The following NRP2 variants were observed in gnomAD, a reference collection of about 807,000 sequenced individuals.
The protein encoded by NRP2 is neuropilin-2.
Under a neutral mutation model 110.4 loss-of-function variants are expected in NRP2, and 52 were observed. The ratio of observed to expected loss-of-function variants is 0.47; its 90% CI spans 0.38 to 0.59. The LOEUF (loss-of-function observed/expected upper bound fraction) is 0.59. Among genes scored for constraint, NRP2 ranks in the 20% least tolerant of loss-of-function variants. The pLI is 0.00. For missense variants in NRP2, 1,049 were observed against 1,203.0 expected (o/e 0.87, Z 1.89); for synonymous variants, 508 against 468.9 (o/e 1.08, Z -1.08).
At chr2:205,748,443 C>A (rs1395662946) in intron 10 of NRP2, among the ~76,000 whole-genome samples, 2 of 152,178 alleles carry the variant, frequency 1.3e-5, no homozygotes, top group African/African-American at 4.8e-5. Context: ...GACACAGTGA[C>A]AAACTTGAAC....
chr2:205,709,518 G>A (rs1239576289), intron 2 of NRP2, among the ~76,000 whole-genome samples: 1 of 152,188 alleles, frequency 6.6e-6, no homozygotes, highest in Admixed American at 6.5e-5. Context: ...CTGAAACTCA[G>A]AGAGGTTAAA....
chr2:205,720,211 G>C (rs2105803539), intron 3 of NRP2, among the ~76,000 whole-genome samples: 1 of 149,870 alleles, frequency 6.7e-6, no homozygotes, highest in East Asian at 2.0e-4. Context: ...TTCAAAATAA[G>C]CCAAAGGATA....
rs747085630 is a variant in NRP2 at position 205,752,819 on chromosome 2, T to C, written c.1904-16T>C. 1.2e-6 allele frequency: 2 copies of C among 1,614,052 alleles called. No individual in the cohort carries two copies. The highest frequency in any genetic ancestry group is 1.7e-5 in the Admixed American group (1 of 60,020). On this transcript the variant is annotated splice_polypyrimidine_tract_variant and intron_variant, in intron 11 of 16. Transcript: ENST00000357785. ...TTTCATTTGCCTTCCTTTGGGTTAT[T>C]GTTTTCCCCTTTTAGACAAAGATTT...
chr2:205,794,935 C>T lies in NRP2; in HGVS notation c.2658C>T (p.Thr886=). The change falls in exon 17 of 17, where the codon ACC becomes ACT. Residue 886 remains threonine, a synonymous_variant. Transcript: ENST00000357785. The part of the protein sequence containing the change: ...ATCAGLLLYC[T]CSYSGLSSRS... Reference sequence around the variant, plus strand: ...GTGCAGGCCTCCTGCTCTACTGCACCTGTTCCTACTCGGGCCTGAGCTCCC... The same window carrying T: ...GTGCAGGCCTCCTGCTCTACTGCACTTGTTCCTACTCGGGCCTGAGCTCCC... 4 of 1,614,180 alleles carry T rather than the reference C, an allele frequency of 2.5e-6. No individual in the cohort carries two copies. The highest frequency in any genetic ancestry group is 3.4e-6 in the Non-Finnish European group (4 of 1,180,028).
intron 1 of NRP2, among the ~76,000 whole-genome samples, chr2:205,693,445 C>T (rs2056354662): frequency 6.6e-6 from 1 of 152,072 alleles, no homozygotes; most frequent in Non-Finnish European, 1.5e-5. Flanking sequence ...ATGCTTCTGG[C>T]TACCTCCCTC....
chr2:205,766,624 C>G (rs913018321), intron 14 of NRP2, among the ~76,000 whole-genome samples, 159 bp from the exon 15 acceptor site: 25 of 152,112 alleles, frequency 1.6e-4, no homozygotes, highest in Admixed American at 1.6e-3. Flanking sequence ...TTAGAGCCAG[C>G]CTAGAACATG....
chr2:205,710,514 G>A (rs148140824), intron 2 of NRP2, among the ~76,000 whole-genome samples: 2 of 152,316 alleles, frequency 1.3e-5, no homozygotes, highest in East Asian at 3.9e-4. Context: ...TGGTACAGAT[G>A]CAAGGCAGAA....
chr2:205,750,035 T>G (rs1250866786), intron 11 of NRP2, among the ~76,000 whole-genome samples, 194 bp downstream of exon 11: 4 of 152,172 alleles, frequency 2.6e-5, no homozygotes, highest in South Asian at 4.1e-4. Context: ...ATTTGGATAG[T>G]GTAACAACCA....
At chr2:205,699,449 T>C (rs1265361067) in intron 2 of NRP2, among the ~76,000 whole-genome samples, 1 of 152,142 alleles carries the variant, frequency 6.6e-6, no homozygotes, top group African/African-American at 2.4e-5. Flanking sequence ...ACAGCAAATC[T>C]CCCAAGGAAA....
chr2:205,766,292 A>G (rs904253338), intron 14 of NRP2, among the ~76,000 whole-genome samples: 1 of 152,176 alleles, frequency 6.6e-6, no homozygotes. Flanking sequence ...TCCCAAACCA[A>G]GAAAGGAACC....
chr2:205,705,686 A>C (rs1034703433), intron 2 of NRP2, among the ~76,000 whole-genome samples: 1 of 152,110 alleles, frequency 6.6e-6, no homozygotes, highest in Non-Finnish European at 1.5e-5. Flanking sequence ...TACTGGTACT[A>C]CTATTATCCC....
chr2:205,714,540 C>T (rs978599414), intron 2 of NRP2, among the ~76,000 whole-genome samples: 2 of 152,166 alleles, frequency 1.3e-5, no homozygotes, highest in African/African-American at 2.4e-5. Context: ...ACAAATGAAG[C>T]GTCTTTTTAC....
intron 12 of NRP2, 80 bp downstream of exon 12, chr2:205,753,055 G>A: frequency 6.4e-7 from 1 of 1,567,804 alleles, no homozygotes; most frequent in Non-Finnish European, 8.8e-7. Context: ...TCCCTTACAA[G>A]CTTCATAACT....
chr2:205,763,757 C>G lies in NRP2; in HGVS notation c.2128C>G (p.Pro710Ala), dbSNP rs897134761. 2 of 1,614,214 alleles carry G rather than the reference C, an allele frequency of 1.2e-6. No homozygotes were observed. The highest frequency in any genetic ancestry group is 3.3e-5 in the Admixed American group (2 of 60,032). Residue 710 changes from proline (P) to alanine (A), a missense_variant, in exon 13 of 17, where the codon CCC becomes GCC. Coordinates refer to ENST00000357785, the MANE Select transcript of NRP2 (RefSeq NM_003872.3). This position sits in a 1 kb window ranked among gnomAD's most constrained non-coding sequence, Gnocchi z 4.0. ...ARLISPPVHL[P>A]RSPVCMEFQY... ...GCTCATCAGCCCCCCTGTCCACCTG[C>G]CCCGAAGCCCGGTGTGCATGGAGTT...
rs1481023353 is a variant in NRP2 at position 205,686,806 on chromosome 2, C to T, written c.73+3443C>T. ...GGTTTATTGGCGTGTGCTCCCTGCTCGGCTCCCCTCCCTCCACTTCCTGTT... is the reference window on the plus strand; with the variant it reads ...GGTTTATTGGCGTGTGCTCCCTGCTTGGCTCCCCTCCCTCCACTTCCTGTT... On this transcript the variant is annotated intron_variant, in intron 1 of 16. Transcript: ENST00000357785. The surrounding 1 kb of genome is among the most constrained non-coding windows in gnomAD (Gnocchi z 4.7). Among the ~76,000 whole-genome samples the T allele has an allele frequency of 6.6e-6, 1 of 152,188 alleles. No homozygotes were observed. Among genetic ancestry groups the T allele is most frequent in the Non-Finnish European group, 1.5e-5 (1 of 68,042 alleles).
Position 205,740,627 on chromosome 2 carries a change from G to A in NRP2, c.1255G>A (p.Ala419Thr), listed in dbSNP as rs146073574. 2.1e-5 allele frequency: 34 copies of A among 1,614,176 alleles called. No individual in the cohort carries two copies. In the African/African-American group the frequency reaches 3.2e-4, roughly 15 times the overall value. The change falls in exon 8 of 17, where the codon GCC (alanine) becomes ACC (threonine). Residue 419 changes from alanine to threonine, a missense_variant. Ala to Thr is a moderately conservative substitution (Grantham distance 58, BLOSUM62 0). Coordinates refer to ENST00000357785, the MANE Select transcript of NRP2 (RefSeq NM_003872.3). ...CCCTCAGACCTGGCACTCAGGTATCGCCCTCCGGCTGGAGCTCTTCGGCTG... is the reference window on the plus strand; with the variant it reads ...CCCTCAGACCTGGCACTCAGGTATCACCCTCCGGCTGGAGCTCTTCGGCTG... ...IRPQTWHSGI[A>T]LRLELFGCRV...
chr2:205,792,397 C>A, intron 16 of NRP2, 112 bp downstream of exon 16: 1 of 768,074 alleles, frequency 1.3e-6, no homozygotes, highest in Non-Finnish European at 2.3e-6. Context: ...AACTATCAGT[C>A]AGAAATATAT....
At chr2:205,698,217 A>G (rs1005406029) in intron 2 of NRP2, among the ~76,000 whole-genome samples, 2 of 147,602 alleles carry the variant, frequency 1.4e-5, no homozygotes, top group Non-Finnish European at 1.5e-5. Flanking sequence ...GAAAAAAAAA[A>G]GGGTAAAAAA....
intron 2 of NRP2, 115 bp downstream of exon 2, chr2:205,697,836 T>C (rs1274658062): frequency 9.7e-7 from 1 of 1,035,840 alleles, no homozygotes; most frequent in Non-Finnish European, 1.5e-6. Context: ...TGCTAACCAG[T>C]GGTGGATCCT....
Sources: gnomAD v4.1 joint callset for allele counts (sites outside exome capture counted in the v4.1 genomes callset) on GRCh38, gnomAD v4.1.1 for gene constraint, Gnocchi (gnomAD v3.1) non-coding constraint, MANE v1.5 for transcripts, NCBI Gene and HGNC (gene_info 2026-07-23, HGNC 2026-07-21) for gene names.